The following MCU variants were observed in gnomAD, a reference collection of about 807,000 sequenced individuals.
The protein encoded by MCU is mitochondrial calcium uniporter, also known as calcium uniporter protein, mitochondrial.
In MCU, 12 loss-of-function variants were observed where a neutral mutation model predicts 45.2. The ratio of observed to expected loss-of-function variants is 0.27; its 90% CI spans 0.17 to 0.43. The LOEUF is 0.43. Ranked by LOEUF, MCU falls within the 20% of genes least tolerant of loss-of-function variation. The pLI, the probability that MCU is intolerant of heterozygous loss-of-function variation, is 1.00. For missense variants in MCU, 324 were observed against 436.7 expected (o/e 0.74, Z 2.30); for synonymous variants, 160 against 165.1 (o/e 0.97, Z 0.24).
chr10:72,801,674 CT>C (rs767524519), intron 1 of MCU, among the ~76,000 whole-genome samples: 468 of 134,138 alleles, frequency 3.5e-3, no homozygotes, highest in Non-Finnish European at 3.8e-3. Flanking sequence ...CTCTTTTTTT[CT>C]TTTTTTTTTT....
chr10:72,713,160 G>A (rs1842915696), intron 1 of MCU, among the ~76,000 whole-genome samples: 1 of 152,222 alleles, frequency 6.6e-6, no homozygotes, highest in African/African-American at 2.4e-5. Flanking sequence ...ATTTTAATTA[G>A]GGGTGGTATA....
At chr10:72,698,576 C>T (rs758015344) in intron 1 of MCU, among the ~76,000 whole-genome samples, 8 of 152,204 alleles carry the variant, frequency 5.3e-5, no homozygotes, top group Non-Finnish European at 7.3e-5. Context: ...GCAATCTTGG[C>T]TCACTGCAAC....
intron 4 of MCU, among the ~76,000 whole-genome samples, chr10:72,868,418 G>A (rs1020220860): frequency 2.0e-5 from 3 of 152,084 alleles, no homozygotes; most frequent in African/African-American, 4.8e-5. Context: ...GCTTGTGGCC[G>A]GTGCACACCT....
At chr10:72,723,953 C>T (rs541330340) in intron 1 of MCU, among the ~76,000 whole-genome samples, 4 of 152,250 alleles carry the variant, frequency 2.6e-5, no homozygotes, top group African/African-American at 7.2e-5. Context: ...ATGGTATCTT[C>T]GAGAACGTTT....
At chr10:72,752,560 G>C (rs1198838160) in intron 1 of MCU, among the ~76,000 whole-genome samples, 1 of 152,136 alleles carries the variant, frequency 6.6e-6, no homozygotes, top group East Asian at 1.9e-4. Flanking sequence ...TAATAAACAT[G>C]AATAGCAACA....
chr10:72,775,794 C>T (rs1371640342), intron 1 of MCU, among the ~76,000 whole-genome samples: 5 of 152,042 alleles, frequency 3.3e-5, no homozygotes, highest in Admixed American at 6.6e-5. Flanking sequence ...TCCTGGATAC[C>T]GTACAACCTA....
intron 2 of MCU, among the ~76,000 whole-genome samples, chr10:72,858,947 C>T (rs187429266): frequency 6.6e-6 from 1 of 152,240 alleles, no homozygotes; most frequent in Non-Finnish European, 1.5e-5. Context: ...GAAGACAGTT[C>T]CTTGCCTGTT....
At chr10:72,766,289 A>C (rs2132729661) in intron 1 of MCU, among the ~76,000 whole-genome samples, 1 of 152,300 alleles carries the variant, frequency 6.6e-6, no homozygotes, top group African/African-American at 2.4e-5. Context: ...GTATGACAAG[A>C]CTAGATTTTC....
At chr10:72,711,221 C>CTT (rs78511090) in intron 1 of MCU, among the ~76,000 whole-genome samples, 17 of 130,096 alleles carry the variant, frequency 1.3e-4, no homozygotes, top group Admixed American at 1.6e-4. Flanking sequence ...TTCTGCAAAT[C>CTT]TTTTTTTTTT....
chr10:72,758,005 C>G (rs1843603099), intron 1 of MCU, among the ~76,000 whole-genome samples: 1 of 152,188 alleles, frequency 6.6e-6, no homozygotes, highest in African/African-American at 2.4e-5. Flanking sequence ...AGCAGGTTAA[C>G]ACTTCTAAAG....
intron 2 of MCU, among the ~76,000 whole-genome samples, chr10:72,841,644 A>G (rs561050046): frequency 6.6e-6 from 1 of 152,334 alleles, no homozygotes; most frequent in East Asian, 1.9e-4. Flanking sequence ...CTCTGCACAG[A>G]TGGTGCATCT....
intron 6 of MCU, among the ~76,000 whole-genome samples, chr10:72,874,335 T>C (rs1484409319): frequency 6.6e-6 from 1 of 152,222 alleles, no homozygotes; most frequent in Non-Finnish European, 1.5e-5. Flanking sequence ...CTTTCAGTTA[T>C]TATTATAATA....
At chr10:72,827,034 A>G (rs936369160) in intron 1 of MCU, among the ~76,000 whole-genome samples, 1 of 152,218 alleles carries the variant, frequency 6.6e-6, no homozygotes, top group African/African-American at 2.4e-5. Flanking sequence ...ATGTGTTTAT[A>G]TGAAAAAACA....
At chr10:72,799,404 C>G (rs1482879770) in intron 1 of MCU, among the ~76,000 whole-genome samples, 1 of 152,140 alleles carries the variant, frequency 6.6e-6, no homozygotes, top group Admixed American at 6.5e-5. Flanking sequence ...CTGTGGTAAA[C>G]AAATGTTAAG....
intron 6 of MCU, among the ~76,000 whole-genome samples, chr10:72,875,947 T>C (rs1845610534): frequency 6.6e-6 from 1 of 151,934 alleles, no homozygotes; most frequent in Admixed American, 6.6e-5. Context: ...TCTTGGGGAG[T>C]AAAAACATAT....
intron 1 of MCU, among the ~76,000 whole-genome samples, chr10:72,747,790 C>T (rs1179030726): frequency 6.6e-6 from 1 of 152,062 alleles, no homozygotes; most frequent in African/African-American, 2.4e-5. Flanking sequence ...GAGCCATGAT[C>T]ATGCCACTGG....
intron 1 of MCU, among the ~76,000 whole-genome samples, chr10:72,817,549 A>G (rs1468952482): frequency 6.6e-6 from 1 of 152,194 alleles, no homozygotes; most frequent in African/African-American, 2.4e-5. Context: ...TGGTTACTAT[A>G]AATGAGCATT....
intron 2 of MCU, among the ~76,000 whole-genome samples, chr10:72,848,806 C>T (rs1452142360): frequency 1.3e-5 from 2 of 152,028 alleles, no homozygotes; most frequent in Non-Finnish European, 2.9e-5. Context: ...CTACCAACTT[C>T]AGGATAGTGG....
chr10:72,863,034 C>T (rs1435471930), intron 4 of MCU, among the ~76,000 whole-genome samples: 1 of 152,088 alleles, frequency 6.6e-6, no homozygotes, highest in Admixed American at 6.6e-5. Flanking sequence ...TCTTTCCCTC[C>T]TACATGTTGC....
Sources: allele counts gnomAD v4.1 joint callset (sites outside exome capture counted in the v4.1 genomes callset), GRCh38; gene constraint gnomAD v4.1.1; transcripts MANE v1.5; gene names NCBI Gene and HGNC (gene_info 2026-07-23, HGNC 2026-07-21).